IQSEC3: variants seen among roughly 807,000 people sequenced by gnomAD.
The protein encoded by IQSEC3 is IQ motif and Sec7 domain ArfGEF 3.
In IQSEC3, 50 loss-of-function variants were observed where a neutral mutation model predicts 105.4. That is an observed-to-expected ratio of 0.47 (90% CI 0.38 to 0.60). The LOEUF (loss-of-function observed/expected upper bound fraction) is 0.60. Ranked by LOEUF, IQSEC3 falls within the 20% of genes least tolerant of loss-of-function variation. The pLI, the probability that IQSEC3 is intolerant of heterozygous loss-of-function variation, is 0.00. For missense variants in IQSEC3, 1,415 were observed against 1,630.0 expected, an observed-to-expected ratio of 0.87 and a Z score of 2.27; for synonymous variants, 708 against 746.0, an observed-to-expected ratio of 0.95 and a Z score of 0.83.
At chr12:166,875 C>G (rs1415780525) in intron 11 of IQSEC3, 2 of 152,204 alleles carry the variant, frequency 1.3e-5, no homozygotes, top group African/African-American at 4.8e-5. Flanking sequence ...AAGGTAGGTG[C>G]ATTGACCCCA....
Position 162,154 on chromosome 12 carries a change from ACT to A in IQSEC3, c.2583+92_2583+93del, listed in dbSNP as rs1280638144. 1.9e-5 allele frequency: 28 copies of A among 1,436,556 alleles called. 1 individual carries two copies. Among genetic ancestry groups the A allele is most frequent in the African/African-American group, 4.3e-5 (3 of 69,582 alleles). 89.0% of individuals were successfully genotyped at this position (1,436,556 alleles called of 1,614,324 possible). ...CCATTCTCCTTCTTACCTTTCCAAA[ACT>A]CTTTTTTCATATTCATTCACATGAT... On this transcript the variant is annotated intron_variant, in intron 8 of 13. Coordinates refer to ENST00000538872, the MANE Select transcript of IQSEC3 (RefSeq NM_001170738.2).
intron 1 of IQSEC3, among the ~76,000 whole-genome samples, chr12:70,201 C>T (rs1555067130): frequency 6.6e-6 from 1 of 152,272 alleles, no homozygotes; most frequent in African/African-American, 2.4e-5. Flanking sequence ...TGTCCTCACA[C>T]AGTTTGACTT....
At chr12:110,077 G>C (rs1445660394) in intron 2 of IQSEC3, among the ~76,000 whole-genome samples, 2 of 152,176 alleles carry the variant, frequency 1.3e-5, no homozygotes, top group African/African-American at 4.8e-5. Context: ...CTTGCCTTCA[G>C]GGTCAGCAGC....
intron 1 of IQSEC3, among the ~76,000 whole-genome samples, chr12:74,420 T>C (rs1863439569): frequency 6.6e-6 from 1 of 152,274 alleles, no homozygotes; most frequent in African/African-American, 2.4e-5. Context: ...CCAGGGTGTT[T>C]GTGACTGTGA....
chr12:100,385 A>G (rs1243407620), intron 2 of IQSEC3, among the ~76,000 whole-genome samples: 1 of 152,198 alleles, frequency 6.6e-6, no homozygotes, highest in Non-Finnish European at 1.5e-5. Flanking sequence ...TTAAGATCCA[A>G]TGATTCTGTG....
rs567793483 is a variant in IQSEC3 at position 109,956 on chromosome 12, G to A, written c.623+10742G>A. Among the ~76,000 whole-genome samples, 10 of 152,216 alleles carry A rather than the reference G, an allele frequency of 6.6e-5. No individual in the cohort carries two copies. The East Asian group carries it at 1.4e-3, about 21-fold the overall frequency. On this transcript the variant is annotated intron_variant, in intron 2 of 13. Coordinates refer to ENST00000538872, the MANE Select transcript of IQSEC3 (RefSeq NM_001170738.2). ...TAAACTGTGCTGGGCCCTGGCCCCT[G>A]ACAATCTGCAAAGATGGACAGCTCT...
intron 2 of IQSEC3, chr12:106,807 C>G (rs782595357): frequency 7.2e-5 from 11 of 152,232 alleles, no homozygotes; most frequent in African/African-American, 2.2e-4. Flanking sequence ...GTTTTATTTT[C>G]TCTTCTGAAA....
chr12:139,383 G>A, intron 4 of IQSEC3, 29 bp downstream of exon 4: 3 of 1,486,280 alleles, frequency 2.0e-6, no homozygotes, highest in Middle Eastern at 1.8e-4. Flanking sequence ...CCAGCCCGGA[G>A]TCCTGGGCGT....
chr12:83,429 CTAGGGGGAGGA>C (rs1334659828), intron 1 of IQSEC3, among the ~76,000 whole-genome samples: 1 of 151,586 alleles, frequency 6.6e-6, no homozygotes, highest in African/African-American at 2.4e-5. Context: ...ACGGGGGTGG[CTAGGGGGAGGA>C]TAGCTCTGAA....
chr12:98,177 C>T (rs374140706), intron 1 of IQSEC3, among the ~76,000 whole-genome samples: 17 of 152,126 alleles, frequency 1.1e-4, no homozygotes, highest in East Asian at 1.9e-4. Flanking sequence ...GGCAATGGGT[C>T]GGTGTATCTT....
chr12:141,071 T>G, intron 4 of IQSEC3, 53 bp from the exon 5 acceptor site: 1 of 1,533,092 alleles, frequency 6.5e-7, no homozygotes, highest in South Asian at 1.2e-5. Context: ...GAGGAAAGAG[T>G]CATGGATGGC....
chr12:116,772 G>A (rs1288032918), intron 2 of IQSEC3, among the ~76,000 whole-genome samples: 1 of 152,198 alleles, frequency 6.6e-6, no homozygotes, highest in African/African-American at 2.4e-5. Context: ...GCTCCCACGA[G>A]GATGGCTGTG....
chr12:76,027 G>C (rs1473041244), intron 1 of IQSEC3, among the ~76,000 whole-genome samples: 12 of 152,014 alleles, frequency 7.9e-5, no homozygotes, highest in Non-Finnish European at 1.6e-4. Flanking sequence ...CCCAGCCTCT[G>C]ACCACTCTGT....
chr12:89,647 A>C (rs1864021283), intron 1 of IQSEC3, among the ~76,000 whole-genome samples: 1 of 137,368 alleles, frequency 7.3e-6, no homozygotes. Flanking sequence ...TACCTCTGTC[A>C]ATATAGTTGT....
intron 2 of IQSEC3, among the ~76,000 whole-genome samples, chr12:114,296 A>T (rs1864985397): frequency 6.6e-6 from 1 of 152,232 alleles, no homozygotes; most frequent in African/African-American, 2.4e-5. Context: ...TATGGCAAGC[A>T]TGTTCTTCAG....
chr12:150,955 T>C (rs1866484649), intron 5 of IQSEC3, among the ~76,000 whole-genome samples: 3 of 150,690 alleles, frequency 2.0e-5, no homozygotes, highest in Admixed American at 1.3e-4. Flanking sequence ...ACTCCGTCTC[T>C]CCAGCATGTG....
chr12:162,801 C>G (rs1377198305), intron 8 of IQSEC3, among the ~76,000 whole-genome samples: 1 of 152,154 alleles, frequency 6.6e-6, no homozygotes, highest in Non-Finnish European at 1.5e-5. Context: ...TCTGTGATCC[C>G]TTCGCTCTCG....
intron 3 of IQSEC3, among the ~76,000 whole-genome samples, chr12:136,509 A>G (rs1865770549): frequency 6.6e-6 from 1 of 152,106 alleles, no homozygotes; most frequent in South Asian, 2.1e-4. Flanking sequence ...TGGAGCAGGA[A>G]GCAGGTTGAA....
chr12:104,696 G>A (rs544841784), intron 2 of IQSEC3, among the ~76,000 whole-genome samples: 33 of 152,380 alleles, frequency 2.2e-4, no homozygotes, highest in Middle Eastern at 3.4e-3. Context: ...TTGCCGCTAG[G>A]CAGCAGCAAG....
Sources: gnomAD v4.1 joint callset for allele counts (sites outside exome capture counted in the v4.1 genomes callset) on GRCh38, gnomAD v4.1.1 for gene constraint, MANE v1.5 for transcripts, NCBI Gene and HGNC (gene_info 2026-07-23, HGNC 2026-07-21) for gene names.